The following B4GALT6 variants were observed in gnomAD, a reference collection of about 807,000 sequenced individuals.
B4GALT6 encodes UDP-Gal:beta-GlcNAc beta-1,4-galactosyltransferase 6.
B4GALT6 carries 14 observed loss-of-function variants against 46.3 expected under a neutral mutation model. The ratio of observed to expected loss-of-function variants is 0.30; its 90% CI spans 0.20 to 0.47. The LOEUF is 0.47. B4GALT6 is among the 20% of genes least tolerant of loss of function. The pLI is 0.99. For missense variants in B4GALT6, 386 were observed against 480.1 expected (o/e 0.80, Z 1.83); for synonymous variants, 168 against 162.0 (o/e 1.04, Z -0.28).
chr18:31,627,533 A>G (rs2073716915), intron 6 of B4GALT6, among the ~76,000 whole-genome samples: 1 of 152,170 alleles, frequency 6.6e-6, no homozygotes, highest in Non-Finnish European at 1.5e-5. Context: ...TAAACGCATT[A>G]TTTATTATAT....
the B4GALT6 span, among the ~76,000 whole-genome samples, chr18:31,703,423 G>C: frequency 6.6e-6 from 1 of 152,120 alleles, no homozygotes; most frequent in East Asian, 1.9e-4. Context: ...CTACTGCCTT[G>C]TTTATAGTAT....
At chr18:31,652,928 C>T (rs969800989) in intron 3 of B4GALT6, among the ~76,000 whole-genome samples, 3 of 152,174 alleles carry the variant, frequency 2.0e-5, no homozygotes, top group Admixed American at 2.0e-4. Flanking sequence ...AATAATCTTC[C>T]TAAAATACAA....
In B4GALT6 at chr18:31,651,960, C is replaced by T. The variant is rs952692244; in HGVS notation, c.346+6016G>A. On this transcript the variant is annotated intron_variant, in intron 3 of 8. Transcript: ENST00000306851. ...TAATTTTTTTTATTTTTGGTAGAGA[C>T]GGGGTTTCACTGTGTTAGCCAGGAT... 3.9e-5 allele frequency among the ~76,000 whole-genome samples: 6 copies of T among 152,020 alleles called. No individual in the cohort carries two copies. The East Asian group carries it at 5.8e-4, about 15-fold the overall frequency.
the B4GALT6 span, among the ~76,000 whole-genome samples, chr18:31,693,362 C>T: frequency 6.6e-6 from 1 of 152,054 alleles, no homozygotes; most frequent in Admixed American, 6.6e-5. Flanking sequence ...GGAGAAAAGT[C>T]CTATTAACAG....
At chr18:31,699,878 T>C in the B4GALT6 span, among the ~76,000 whole-genome samples, 4 of 152,080 alleles carry the variant, frequency 2.6e-5, no homozygotes, top group Non-Finnish European at 5.9e-5. Flanking sequence ...TCCCCATCTA[T>C]CATAGAAGGA....
chr18:31,634,197 C>G (rs1190760732), intron 5 of B4GALT6, among the ~76,000 whole-genome samples: 2 of 152,116 alleles, frequency 1.3e-5, no homozygotes, highest in East Asian at 3.8e-4. Context: ...TTACTCAACC[C>G]CCCGGTTTTA....
chr18:31,714,521 C>G, the B4GALT6 span, among the ~76,000 whole-genome samples: 4 of 152,198 alleles, frequency 2.6e-5, no homozygotes, highest in African/African-American at 9.6e-5. Context: ...TAGCATTTCC[C>G]AGTCCCTGCT....
intron 2 of B4GALT6, among the ~76,000 whole-genome samples, chr18:31,663,734 T>C (rs2074247260): frequency 6.6e-6 from 1 of 152,212 alleles, no homozygotes; most frequent in Admixed American, 6.5e-5. Context: ...GAAGTCTATG[T>C]AGAAATAACC....
intron 1 of B4GALT6, among the ~76,000 whole-genome samples, chr18:31,677,103 A>C (rs2074423141): frequency 6.6e-6 from 1 of 152,236 alleles, no homozygotes. Flanking sequence ...GGTGAAGCCA[A>C]AGACTTTCAC....
rs2073637479 is a variant in B4GALT6, at chr18:31,623,004, G to A, written c.*2610C>T. On this transcript the variant is annotated 3_prime_UTR_variant, in exon 9 of 9. Transcript: ENST00000306851. ...TGAGACTAGGAAATACAACAGATAAGTTATCAGAAGATGTCTTCATAATTT... is the reference window on the plus strand; with the variant it reads ...TGAGACTAGGAAATACAACAGATAAATTATCAGAAGATGTCTTCATAATTT... 6.6e-6 allele frequency: 1 copy of A among 152,024 alleles called. No individual in the cohort carries two copies. Among genetic ancestry groups the A allele is most frequent in the Non-Finnish European group, 1.5e-5 (1 of 67,904 alleles). The allele number at this position is 152,024 out of a possible 1,614,324, so 9.4% of individuals were successfully genotyped here.
chr18:31,703,055 G>GT, the B4GALT6 span, among the ~76,000 whole-genome samples: 1 of 152,158 alleles, frequency 6.6e-6, no homozygotes, highest in Non-Finnish European at 1.5e-5. Flanking sequence ...ACTGTTGCAA[G>GT]TTTTTAAATC....
the B4GALT6 span, among the ~76,000 whole-genome samples, chr18:31,700,234 G>T: frequency 4.6e-5 from 7 of 151,504 alleles, no homozygotes; most frequent in African/African-American, 1.5e-4. Flanking sequence ...CTAAAGAAAT[G>T]AAAAAAATAG....
At chr18:31,655,480 GAAAA>G (rs2074127038) in intron 3 of B4GALT6, among the ~76,000 whole-genome samples, 1 of 152,172 alleles carries the variant, frequency 6.6e-6, no homozygotes, top group Non-Finnish European at 1.5e-5. Flanking sequence ...CACCCCCAGT[GAAAA>G]GGCAGTGCAC....
chr18:31,717,536 C>T, the B4GALT6 span, among the ~76,000 whole-genome samples: 2 of 152,034 alleles, frequency 1.3e-5, no homozygotes, highest in Non-Finnish European at 2.9e-5. Flanking sequence ...AATAAAATTA[C>T]AATATATTCA....
the B4GALT6 span, among the ~76,000 whole-genome samples, chr18:31,720,045 A>G: frequency 1.3e-5 from 2 of 152,232 alleles, no homozygotes; most frequent in African/African-American, 2.4e-5. Context: ...CCAGGCAAGA[A>G]GGGGGTCTTT....
intron 1 of B4GALT6, among the ~76,000 whole-genome samples, chr18:31,668,096 C>CAAA (rs111596996): frequency 1.3e-5 from 1 of 75,748 alleles, no homozygotes; most frequent in South Asian, 4.1e-4. Context: ...GACTCCATCT[C>CAAA]AAAAAAAAAA....
the B4GALT6 span, among the ~76,000 whole-genome samples, chr18:31,720,171 C>A: frequency 6.6e-6 from 1 of 152,204 alleles, no homozygotes; most frequent in Admixed American, 6.5e-5. Flanking sequence ...AGGTTAGAAG[C>A]AAGATGGAGT....
chr18:31,667,503 T>C (rs1170576583), intron 1 of B4GALT6, among the ~76,000 whole-genome samples: 2 of 152,328 alleles, frequency 1.3e-5, no homozygotes, highest in East Asian at 1.9e-4. Flanking sequence ...AATAGAGGGA[T>C]GAGAGAAATT....
At chr18:31,629,849 C>CAAA (rs1192136047) in intron 6 of B4GALT6, among the ~76,000 whole-genome samples, 1 of 60,126 alleles carries the variant, frequency 1.7e-5, no homozygotes, top group Non-Finnish European at 3.4e-5. Context: ...GACTCTGTCT[C>CAAA]AAAAAAAAAA....
Sources: gnomAD v4.1 joint callset for allele counts (sites outside exome capture counted in the v4.1 genomes callset) on GRCh38, gnomAD v4.1.1 for gene constraint, MANE v1.5 for transcripts, NCBI Gene and HGNC (gene_info 2026-07-23, HGNC 2026-07-21) for gene names.